The following TRIM22 variants were observed in gnomAD, a reference collection of about 807,000 sequenced individuals.
The protein encoded by TRIM22 is tripartite motif containing 22, also known as E3 ubiquitin-protein ligase TRIM22.
In TRIM22, 45 loss-of-function variants were observed where a neutral mutation model predicts 53.6. The observed-to-expected ratio is 0.84, with a 90% CI of 0.66 to 1.08. TRIM22 has a LOEUF of 1.08. Among genes scored for constraint, TRIM22 ranks in the 50% least tolerant of loss-of-function variants. The pLI, the probability that TRIM22 is intolerant of heterozygous loss-of-function variation, is 0.00. For missense variants in TRIM22, 616 were observed against 590.9 expected (o/e 1.04, Z -0.44); for synonymous variants, 225 against 216.6 (o/e 1.04, Z -0.34).
Position 5,708,248 on chromosome 11 carries a change from G to T in TRIM22, c.849G>T (p.Leu283=). 6.2e-7 allele frequency: 1 copy of T among 1,614,156 alleles called. No homozygotes were observed. The highest frequency in any genetic ancestry group is 8.5e-7 in the Non-Finnish European group (1 of 1,179,986). The stretch of plus-strand genomic sequence containing the variant: ...AGAGTGTATTCCGAGTACCAGATCT[G>T]AGTGGGATGCTGCAAGTTCTTAAAG... ...KLKSVFRVPD[L]SGMLQVLKEL... Residue 283 remains leucine, a synonymous_variant, in exon 6 of 8, where the codon CTG becomes CTT. Coordinates refer to ENST00000379965, the MANE Select transcript of TRIM22 (RefSeq NM_006074.5).
chr11:5,703,899 T>C (rs71490147), intron 4 of TRIM22, among the ~76,000 whole-genome samples: 14,186 of 152,162 alleles, frequency 0.093, 713 homozygotes, highest in Middle Eastern at 0.15. Flanking sequence ...AAAATGCTCA[T>C]CATTGCTAAT....
Position 5,709,921 on chromosome 11 carries a change from G to A in TRIM22, c.*273G>A, listed in dbSNP as rs890229886. ...TCTGAGGTCTGCAAGGAAGGGCTCTGTTCCATGCCTCTCTCCTTGGCTTGT... is the reference window on the plus strand; with the variant it reads ...TCTGAGGTCTGCAAGGAAGGGCTCTATTCCATGCCTCTCTCCTTGGCTTGT... On this transcript the variant is annotated 3_prime_UTR_variant, in exon 8 of 8. Coordinates refer to ENST00000379965, the MANE Select transcript of TRIM22 (RefSeq NM_006074.5). 29 of 414,628 alleles carry A rather than the reference G, an allele frequency of 7.0e-5. No individual in the cohort carries two copies. Among genetic ancestry groups the A allele is most frequent in the Non-Finnish European group, 1.2e-4 (28 of 232,204 alleles). The allele number at this position is 414,628 out of a possible 1,614,324, so 25.7% of individuals were successfully genotyped here.
rs1266675276 is a variant in TRIM22, at chr11:5,710,715, TA to T, written c.*1069del. The T allele has an allele frequency of 6.6e-6, 1 of 152,314 alleles. No individual in the cohort carries two copies. Among genetic ancestry groups the T allele is most frequent in the East Asian group, 1.9e-4 (1 of 5,196 alleles). 9.4% of individuals were successfully genotyped at this position (152,314 alleles called of 1,614,324 possible). ...TTGAGAAACAAACTTTTATTAAATG[TA>T]AGGCACTTTTCTATGAATTTTAAAT... On this transcript the variant is annotated 3_prime_UTR_variant, in exon 8 of 8. Transcript: ENST00000379965.
chr11:5,708,042 C>G, intron 5 of TRIM22, 131 bp from the exon 6 acceptor site: 1 of 674,700 alleles, frequency 1.5e-6, no homozygotes, highest in Non-Finnish European at 2.6e-6. Flanking sequence ...TCAGGCATCT[C>G]CCCTCTACTG....
Position 5,696,260 on chromosome 11 carries a change from G to C in TRIM22, c.28G>C (p.Glu10Gln). The change falls in exon 2 of 8, where the codon GAG becomes CAG. Residue 10 changes from glutamate (E) to glutamine (Q), a missense_variant. By Grantham distance (29) the Glu-to-Gln change is conservative. Transcript: ENST00000379965. ...GGATTTCTCAGTAAAGGTAGACATA[G>C]AGAAGGAGGTGACCTGCCCCATCTG... MDFSVKVDI[E>Q]KEVTCPICLE... 1.9e-6 allele frequency: 3 copies of C among 1,613,044 alleles called. No homozygotes were observed. The highest frequency in any genetic ancestry group is 2.5e-6 in the Non-Finnish European group (3 of 1,179,398).
chr11:5,698,240 C>A, intron 3 of TRIM22, 75 bp from the exon 4 acceptor site: 4 of 1,213,160 alleles, frequency 3.3e-6, no homozygotes, highest in South Asian at 2.6e-5. Context: ...CTGTTCTTAT[C>A]CTGTCTCCCA....
In TRIM22 at chr11:5,706,583, C is replaced by T; in HGVS notation, c.751-11C>T. 6.2e-7 allele frequency: 1 copy of T among 1,611,816 alleles called. No homozygotes were observed. The highest frequency in any genetic ancestry group is 8.5e-7 in the Non-Finnish European group (1 of 1,178,652). ...CCCTATCTTGACTCATGTTTTCTAT[C>T]TTTTCCCCAGGATGTGATTGACGTC... On this transcript the variant is annotated splice_polypyrimidine_tract_variant and intron_variant, in intron 4 of 7. Coordinates refer to ENST00000379965, the MANE Select transcript of TRIM22 (RefSeq NM_006074.5).
intron 2 of TRIM22, chr11:5,696,880 A>T (rs535728400): frequency 6.0e-4 from 325 of 545,866 alleles, no homozygotes; most frequent in Non-Finnish European, 8.7e-4. Flanking sequence ...AGTTGAATGA[A>T]TGGAGAATTG....
intron 4 of TRIM22, among the ~76,000 whole-genome samples, chr11:5,706,326 TG>T (rs1192780748): frequency 5.3e-5 from 8 of 152,180 alleles, no homozygotes; most frequent in Non-Finnish European, 7.3e-5. Flanking sequence ...AGTAAGAGTG[TG>T]GGGAGGAAGG....
intron 5 of TRIM22, 54 bp from the exon 6 acceptor site, chr11:5,708,119 G>C (rs535404625): frequency 1.4e-6 from 2 of 1,393,306 alleles, no homozygotes; most frequent in African/African-American, 2.8e-5. Flanking sequence ...AGTGATCTTG[G>C]ATGGAGAGAA....
chr11:5,704,969 T>C (rs1002092561), intron 4 of TRIM22, among the ~76,000 whole-genome samples: 1 of 152,216 alleles, frequency 6.6e-6, no homozygotes, highest in African/African-American at 2.4e-5. Flanking sequence ...AGCTGAGGAA[T>C]GGACCATAGA....
rs1272817872 is a variant in TRIM22 at position 5,698,456 on chromosome 11, G to A, written c.661G>A (p.Asp221Asn). Residue 221 changes from aspartate to asparagine, a missense_variant, in exon 4 of 8, where the codon GAC becomes AAC. Asp to Asn is a conservative substitution (Grantham distance 23). Coordinates refer to ENST00000379965, the MANE Select transcript of TRIM22 (RefSeq NM_006074.5). ...NVLDNLAAAT[D>N]QLVQQRQDAS... ...GCTGGATAACCTGGCAGCAGCTACAGACCAGCTGGTCCAGCAGAGGCAGGA... is the reference window on the plus strand; with the variant it reads ...GCTGGATAACCTGGCAGCAGCTACAAACCAGCTGGTCCAGCAGAGGCAGGA... 6.2e-7 allele frequency: 1 copy of A among 1,614,138 alleles called. No homozygotes were observed. Among genetic ancestry groups the A allele is most frequent in the African/African-American group, 1.3e-5 (1 of 75,054 alleles).
chr11:5,696,619 A>C lies in TRIM22; in HGVS notation c.387A>C (p.Gln129His). The change falls in exon 2 of 8, where the codon CAA becomes CAC. Residue 129 changes from glutamine (Q) to histidine (H), a missense_variant. Gln to His is a conservative substitution (Grantham distance 24). Coordinates refer to ENST00000379965, the MANE Select transcript of TRIM22 (RefSeq NM_006074.5). ...TGTCTCAGGAACACCAAGGTCACCA[A>C]ACATTCCGCATAAACGAGGTGGTCA... ...CELSQEHQGH[Q>H]TFRINEVVKE... 1 of 1,613,284 alleles carries C rather than the reference A, an allele frequency of 6.2e-7. No homozygotes were observed. Among genetic ancestry groups the C allele is most frequent in the Non-Finnish European group, 8.5e-7 (1 of 1,180,000 alleles).
Position 5,710,349 on chromosome 11 carries a change from C to T in TRIM22, c.*701C>T, listed in dbSNP as rs1853539983. On this transcript the variant is annotated 3_prime_UTR_variant, in exon 8 of 8. Transcript: ENST00000379965. ...TTGCTGTAATTCCTTTTCTTTTCTT[C>T]CTCATTTCCTCTGCCCCTTAAAAGA... The T allele has an allele frequency of 6.6e-6, 1 of 152,114 alleles. No homozygotes were observed. The highest frequency in any genetic ancestry group is 2.1e-4 in the South Asian group (1 of 4,832). The allele number at this position is 152,114 out of a possible 1,614,324, so 9.4% of individuals were successfully genotyped here. A position where few individuals can be genotyped will look rare whatever the true frequency, so the allele number is the denominator to read the frequency against.
At chr11:5,707,433 G>C (rs1340046397) in intron 5 of TRIM22, among the ~76,000 whole-genome samples, 1 of 151,956 alleles carries the variant, frequency 6.6e-6, no homozygotes, top group Non-Finnish European at 1.5e-5. Flanking sequence ...CCACATCTCT[G>C]GCCTCTTCCT....
At chr11:5,701,899 C>T (rs568232599) in intron 4 of TRIM22, among the ~76,000 whole-genome samples, 2 of 152,084 alleles carry the variant, frequency 1.3e-5, no homozygotes, top group East Asian at 1.9e-4. Context: ...AAAATTAAAA[C>T]GCCTACCATT....
intron 4 of TRIM22, among the ~76,000 whole-genome samples, chr11:5,701,763 T>C (rs184699809): frequency 6.6e-6 from 1 of 152,228 alleles, no homozygotes; most frequent in East Asian, 1.9e-4. Context: ...GTGGAACAGA[T>C]TACAGCAGGG....
chr11:5,708,477 C>T, intron 6 of TRIM22, 100 bp from the exon 7 acceptor site: 1 of 1,216,166 alleles, frequency 8.2e-7, no homozygotes, highest in Admixed American at 2.2e-5. Flanking sequence ...GCAAAGAATC[C>T]CAGTATTCCC....
intron 5 of TRIM22, among the ~76,000 whole-genome samples, chr11:5,707,173 G>A (rs1267690929): frequency 6.6e-6 from 1 of 152,030 alleles, no homozygotes; most frequent in Non-Finnish European, 1.5e-5. Flanking sequence ...GTCTAAAGTT[G>A]CCCACCTACT....
Sources: allele counts gnomAD v4.1 joint callset (sites outside exome capture counted in the v4.1 genomes callset), GRCh38; gene constraint gnomAD v4.1.1; transcripts MANE v1.5; gene names NCBI Gene and HGNC (gene_info 2026-07-23, HGNC 2026-07-21).